The following FRY variants were observed in gnomAD, a reference collection of about 807,000 sequenced individuals.
FRY encodes the protein FRY microtubule binding protein.
In FRY, 128 loss-of-function variants were observed where a neutral mutation model predicts 348.4. That is an observed-to-expected ratio of 0.37 (90% CI 0.32 to 0.43). The LOEUF (loss-of-function observed/expected upper bound fraction) is 0.43, where lower values mean the gene tolerates loss of function less well. Among genes scored for constraint, FRY ranks in the 20% least tolerant of loss-of-function variants. The probability of loss-of-function intolerance (pLI) is 1.00; values close to 1 mark genes in which losing one functional copy is unlikely to be tolerated. For missense variants in FRY, 2,736 were observed against 3,695.2 expected, an observed-to-expected ratio of 0.74 and a Z score of 6.73; for synonymous variants, 1,370 against 1,374.7, an observed-to-expected ratio of 1.00 and a Z score of 0.08.
chr13:32,092,804 A>T (rs765170698), intron 2 of FRY, among the ~76,000 whole-genome samples: 9 of 152,184 alleles, frequency 5.9e-5, no homozygotes, highest in Non-Finnish European at 1.3e-4. Flanking sequence ...CAGTCTGCAA[A>T]TGGGGAGAAA....
rs143331321 is a variant in FRY at position 32,246,557 on chromosome 13, A to G, written c.6829-766A>G. Among the ~76,000 whole-genome samples, 5 of 152,342 alleles carry G rather than the reference A, an allele frequency of 3.3e-5. No homozygotes were observed. In the East Asian group the frequency reaches 9.6e-4, roughly 29 times the overall value. On this transcript the variant is annotated intron_variant, in intron 47 of 60. Coordinates refer to ENST00000542859, the MANE Select transcript of FRY (RefSeq NM_023037.3). ...GATGACCCTTGCAGGCCATGCTCAA[A>G]GAGTGTGGACTCCACCCTGTCCACC...
chr13:32,104,657 A>T (rs1334500383), intron 3 of FRY, among the ~76,000 whole-genome samples: 1 of 152,122 alleles, frequency 6.6e-6, no homozygotes, highest in Non-Finnish European at 1.5e-5. Flanking sequence ...TTCAGGCCTG[A>T]TATGGTTTGG....
chr13:32,111,652 A>G (rs533376482), intron 3 of FRY, among the ~76,000 whole-genome samples: 125 of 152,296 alleles, frequency 8.2e-4, no homozygotes, highest in Non-Finnish European at 1.6e-3. Flanking sequence ...TGAGGGCTAC[A>G]TGTGTTTTAC....
At chr13:32,136,798 G>C in intron 10 of FRY, 73 bp from the exon 11 acceptor site, 1 of 905,990 alleles carries the variant, frequency 1.1e-6, no homozygotes. Flanking sequence ...CAAGGTAGTG[G>C]GTACAGAGAA....
chr13:32,144,221 A>G (rs896665248), intron 11 of FRY, among the ~76,000 whole-genome samples: 13 of 145,054 alleles, frequency 9.0e-5, no homozygotes, highest in African/African-American at 3.3e-4. Context: ...CAAAACAAAC[A>G]AAAAAAAAAA....
At chr13:32,105,421 A>G (rs1244840467) in intron 3 of FRY, among the ~76,000 whole-genome samples, 1 of 152,192 alleles carries the variant, frequency 6.6e-6, no homozygotes, top group African/African-American at 2.4e-5. Context: ...GTTCTTTATC[A>G]ATTACCAATC....
chr13:32,140,688 G>A (rs896824246), intron 11 of FRY, among the ~76,000 whole-genome samples: 1 of 152,176 alleles, frequency 6.6e-6, no homozygotes, highest in African/African-American at 2.4e-5. Flanking sequence ...GGCAAGGGAG[G>A]TACAAGCAGG....
chr13:32,170,965 C>T lies in FRY; in HGVS notation c.1893-47C>T, dbSNP rs1287785235. 4.5e-6 allele frequency: 6 copies of T among 1,330,048 alleles called. No individual in the cohort carries two copies. The Admixed American group carries it at 8.4e-5, about 19-fold the overall frequency. 82.4% of individuals were successfully genotyped at this position (1,330,048 alleles called of 1,614,324 possible). ...ATTAATCCTTGTTAGCTCTAGAAGA[C>T]CAGTTAATAAAGTAAATGATTTTAT... On this transcript the variant is annotated intron_variant, in intron 17 of 60. Coordinates refer to ENST00000542859, the MANE Select transcript of FRY (RefSeq NM_023037.3).
At chr13:32,220,956 T>C (rs1281377607) in intron 36 of FRY, among the ~76,000 whole-genome samples, 1 of 152,228 alleles carries the variant, frequency 6.6e-6, no homozygotes, top group Non-Finnish European at 1.5e-5. Context: ...CTAGTGCATC[T>C]GCTTTAAATT....
At chr13:32,096,441 G>GGT (rs113757574) in intron 2 of FRY, among the ~76,000 whole-genome samples, 5 of 151,856 alleles carry the variant, frequency 3.3e-5, no homozygotes, top group African/African-American at 1.2e-4. Context: ...AAACTGCGGG[G>GGT]GGGGGCTTCA....
At chr13:32,092,350 G>A (rs1876369464) in intron 2 of FRY, among the ~76,000 whole-genome samples, 1 of 152,222 alleles carries the variant, frequency 6.6e-6, no homozygotes, top group African/African-American at 2.4e-5. Context: ...CTAAGTGACT[G>A]TGGCCTGTCT....
intron 1 of FRY, among the ~76,000 whole-genome samples, chr13:32,067,772 C>T (rs1185890476): frequency 6.6e-6 from 1 of 152,208 alleles, no homozygotes; most frequent in Non-Finnish European, 1.5e-5. Context: ...CTGAGAGCCA[C>T]ATTAGAGCTT....
chr13:32,192,335 G>T (rs1883385865), intron 28 of FRY, among the ~76,000 whole-genome samples: 1 of 140,596 alleles, frequency 7.1e-6, no homozygotes, highest in Admixed American at 6.9e-5. Context: ...GTCTCGCTCT[G>T]TCCCCCCGGC....
intron 59 of FRY, among the ~76,000 whole-genome samples, chr13:32,290,978 A>G (rs914608286): frequency 3.3e-5 from 5 of 152,130 alleles, no homozygotes; most frequent in African/African-American, 1.2e-4. Context: ...CGGCTAGTCA[A>G]TGGCTGCATA....
chr13:32,087,057 T>C (rs1219872212), intron 2 of FRY, among the ~76,000 whole-genome samples: 1 of 152,184 alleles, frequency 6.6e-6, no homozygotes, highest in Non-Finnish European at 1.5e-5. Context: ...TTAAAAATAA[T>C]AGAACATGAT....
At chr13:32,273,774 C>T (rs950480405) in intron 55 of FRY, among the ~76,000 whole-genome samples, 2 of 152,168 alleles carry the variant, frequency 1.3e-5, no homozygotes, top group Non-Finnish European at 2.9e-5. Flanking sequence ...ATCTTGTCCA[C>T]ATTGAAGTAA....
intron 55 of FRY, among the ~76,000 whole-genome samples, chr13:32,269,559 G>T (rs1888104758): frequency 6.6e-6 from 1 of 152,138 alleles, no homozygotes; most frequent in African/African-American, 2.4e-5. Flanking sequence ...GCGTGATGGG[G>T]CACATACCTG....
intron 41 of FRY, among the ~76,000 whole-genome samples, chr13:32,233,130 A>G (rs1346744553): frequency 6.6e-6 from 1 of 152,176 alleles, no homozygotes; most frequent in Non-Finnish European, 1.5e-5. Context: ...TACGTTTACT[A>G]CCCTGAATGT....
rs143885644 is a variant in FRY, at chr13:32,251,975, G to A, written c.7245+23G>A. ...TCAGTAAGTTCTGTCATGTGTCATA[G>A]TTATTTTGGTGTCATATCTCCTTTT... On this transcript the variant is annotated intron_variant, in intron 50 of 60. Transcript: ENST00000542859. 7.8e-3 allele frequency: 11,705 copies of A among 1,508,112 alleles called. 85 individuals carry two copies. The highest frequency in any genetic ancestry group is 9.4e-3 in the Non-Finnish European group (10,153 of 1,083,034). 93.4% of individuals were successfully genotyped at this position (1,508,112 alleles called of 1,614,324 possible).
Sources: gnomAD v4.1 joint callset for allele counts (sites outside exome capture counted in the v4.1 genomes callset) on GRCh38, gnomAD v4.1.1 for gene constraint, MANE v1.5 for transcripts, NCBI Gene and HGNC (gene_info 2026-07-23, HGNC 2026-07-21) for gene names.